BTBD9: variants seen among roughly 807,000 people sequenced by gnomAD.
BTBD9 encodes BTB domain containing 9.
BTBD9 carries 49 observed loss-of-function variants against 64.3 expected under a neutral mutation model. The ratio of observed to expected loss-of-function variants is 0.76; its 90% confidence interval spans 0.61 to 0.97. The LOEUF is 0.97. Ranked by LOEUF, BTBD9 falls within the 50% of genes least tolerant of loss-of-function variation. BTBD9 has a pLI of 0.00. For synonymous variants in BTBD9, 260 were observed against 274.7 expected, an observed-to-expected ratio of 0.95 and a Z score of 0.53; for missense variants, 598 against 762.1, an observed-to-expected ratio of 0.78 and a Z score of 2.53.
intron 7 of BTBD9, among the ~76,000 whole-genome samples, chr6:38,294,620 G>A (rs764002383): frequency 2.0e-5 from 3 of 152,084 alleles, no homozygotes; most frequent in African/African-American, 7.2e-5. Flanking sequence ...CATGGACACA[G>A]GGAGAGGAAC....
At chr6:38,491,694 A>T (rs1463060796) in intron 6 of BTBD9, among the ~76,000 whole-genome samples, 1 of 150,542 alleles carries the variant, frequency 6.6e-6, no homozygotes, top group Non-Finnish European at 1.5e-5. Flanking sequence ...TACATTCTTT[A>T]AAAAAAAAAT....
intron 6 of BTBD9, among the ~76,000 whole-genome samples, chr6:38,393,608 C>T (rs1766534123): frequency 1.3e-5 from 2 of 152,166 alleles, no homozygotes; most frequent in Admixed American, 6.5e-5. Context: ...AATTTATTCA[C>T]CAATCATTCA....
At chr6:38,386,752 C>G (rs1402781392) in intron 6 of BTBD9, among the ~76,000 whole-genome samples, 1 of 150,806 alleles carries the variant, frequency 6.6e-6, no homozygotes, top group Non-Finnish European at 1.5e-5. Flanking sequence ...AAGCAATCCT[C>G]CCACCTCCGC....
Position 38,391,167 on chromosome 6 carries a change from A to C in BTBD9, c.1155-46074T>G, listed in dbSNP as rs560832252. Among the ~76,000 whole-genome samples, 36 of 152,354 alleles carry C rather than the reference A, an allele frequency of 2.4e-4. No homozygotes were observed. In the South Asian group the frequency reaches 7.0e-3, roughly 30 times the overall value. ...GGCTGAGGGGAACAGAATTTGGGTGAGGAATGTGTGCCAAGATGATTAGCT... is the reference window on the plus strand; with the variant it reads ...GGCTGAGGGGAACAGAATTTGGGTGCGGAATGTGTGCCAAGATGATTAGCT... On this transcript the variant is annotated intron_variant, in intron 6 of 10. Coordinates refer to ENST00000481247, the MANE Select transcript of BTBD9 (RefSeq NM_001099272.2).
intron 8 of BTBD9, among the ~76,000 whole-genome samples, chr6:38,284,924 G>T (rs957636785): frequency 2.6e-5 from 4 of 152,128 alleles, no homozygotes; most frequent in South Asian, 2.1e-4. Context: ...GGGTAAGAGA[G>T]GGTGGAACCC....
At chr6:38,210,293 A>ATC (rs373684615) in intron 9 of BTBD9, among the ~76,000 whole-genome samples, 8,903 of 150,882 alleles carry the variant, frequency 0.059, 883 homozygotes, top group African/African-American at 0.2. Context: ...TTAGATAATT[A>ATC]TCTCTCTCTC....
chr6:38,471,229 C>T (rs1354172720), intron 6 of BTBD9, among the ~76,000 whole-genome samples: 1 of 152,144 alleles, frequency 6.6e-6, no homozygotes, highest in African/African-American at 2.4e-5. Context: ...CTCTGGGTGA[C>T]CTAACTGGCA....
intron 6 of BTBD9, chr6:38,481,848 G>A: frequency 6.6e-6 from 1 of 152,254 alleles, no homozygotes; most frequent in African/African-American, 2.4e-5. Context: ...GATGCTTAAT[G>A]CAGGCAGTTA....
At position 38,174,430 on chromosome 6, in the gene BTBD9, G is replaced by A. The variant is rs1766911783; in HGVS notation, c.*555C>T. On this transcript the variant is annotated 3_prime_UTR_variant, in exon 11 of 11. Transcript: ENST00000481247. The stretch of plus-strand genomic sequence containing the variant: ...GAAGGAAAATTATAGCATCAAAAGG[G>A]ATTAAAACTAGTGATTTGCTGTTTG... The A allele has an allele frequency of 6.5e-6, 1 of 152,790 alleles. No individual in the cohort carries two copies. Among genetic ancestry groups the A allele is most frequent in the South Asian group, 2.1e-4 (1 of 4,846 alleles). 9.5% of individuals were successfully genotyped at this position (152,790 alleles called of 1,614,324 possible). A position where few individuals can be genotyped will look rare whatever the true frequency, so the allele number is the denominator to read the frequency against.
intron 6 of BTBD9, among the ~76,000 whole-genome samples, chr6:38,528,396 C>T (rs962463471): frequency 2.0e-5 from 3 of 152,090 alleles, no homozygotes; most frequent in African/African-American, 4.8e-5. Flanking sequence ...GTGCTGGGCT[C>T]GAAGCCAGTG....
rs569670887 is a variant in BTBD9, at chr6:38,176,628, G to A, written c.1642-1446C>T. Among the ~76,000 whole-genome samples the A allele has an allele frequency of 3.3e-5, 5 of 152,178 alleles. No homozygotes were observed. The South Asian group carries it at 1.0e-3, about 32-fold the overall frequency. ...CTCCTTCTGTGGGTCCATCTGCAGG[G>A]CTTACCAGTCAACAACTGGAGGGGC... On this transcript the variant is annotated intron_variant, in intron 10 of 10. Transcript: ENST00000481247.
At chr6:38,466,283 C>CTTTTTTTTTTTTTTTTT (rs67769669) in intron 6 of BTBD9, among the ~76,000 whole-genome samples, 1 of 44,070 alleles carries the variant, frequency 2.3e-5, no homozygotes. Flanking sequence ...CTTCCTTTTC[C>CTTTTTTTTTTTTTTTTT]TTTTTTTTTT....
At chr6:38,569,746 C>T (rs1775675915) in intron 6 of BTBD9, among the ~76,000 whole-genome samples, 1 of 152,014 alleles carries the variant, frequency 6.6e-6, no homozygotes, top group Non-Finnish European at 1.5e-5. Flanking sequence ...ACAGTCATTT[C>T]TCAAAGGTCT....
At chr6:38,287,822 A>G (rs1215140495) in intron 8 of BTBD9, among the ~76,000 whole-genome samples, 1 of 152,252 alleles carries the variant, frequency 6.6e-6, no homozygotes, top group Non-Finnish European at 1.5e-5. Flanking sequence ...TTCCCTTCTT[A>G]AAACAAAAAG....
intron 9 of BTBD9, among the ~76,000 whole-genome samples, chr6:38,251,976 G>A (rs1210963177): frequency 6.6e-6 from 1 of 151,980 alleles, no homozygotes; most frequent in Non-Finnish European, 1.5e-5. Context: ...AGAAAGAGGG[G>A]TAAAATGTAA....
intron 6 of BTBD9, among the ~76,000 whole-genome samples, chr6:38,498,531 CT>C (rs1772057212): frequency 6.6e-6 from 1 of 151,426 alleles, no homozygotes; most frequent in Admixed American, 6.6e-5. Flanking sequence ...TTTTAAATGC[CT>C]TGGCTCAGAA....
intron 6 of BTBD9, among the ~76,000 whole-genome samples, chr6:38,541,729 TC>T (rs1774288066): frequency 6.6e-6 from 1 of 152,048 alleles, no homozygotes; most frequent in Non-Finnish European, 1.5e-5. Context: ...AGAGCAAGAC[TC>T]CATCTCAAAC....
chr6:38,338,372 G>A (rs1763977481), intron 7 of BTBD9, among the ~76,000 whole-genome samples: 1 of 151,974 alleles, frequency 6.6e-6, no homozygotes, highest in African/African-American at 2.4e-5. Context: ...TAATATTTTT[G>A]GACCACAGTT....
At chr6:38,427,669 C>A (rs1447652457) in intron 6 of BTBD9, among the ~76,000 whole-genome samples, 2 of 151,788 alleles carry the variant, frequency 1.3e-5, no homozygotes, top group Non-Finnish European at 2.9e-5. Flanking sequence ...CAAAAAACAC[C>A]CCTGTCAACA....
Sources: gnomAD v4.1 joint callset for allele counts (sites outside exome capture counted in the v4.1 genomes callset) on GRCh38, gnomAD v4.1.1 for gene constraint, MANE v1.5 for transcripts, NCBI Gene and HGNC (gene_info 2026-07-23, HGNC 2026-07-21) for gene names.